Variants in IGSF21 observed in about 807,000 individuals in gnomAD.
The protein encoded by IGSF21 is immunoglobin superfamily member 21, also known as immunoglobulin superfamily member 21.
In IGSF21, 28 loss-of-function variants were observed where a neutral mutation model predicts 46.8. The ratio of observed to expected loss-of-function variants is 0.60; its 90% confidence interval spans 0.44 to 0.82. IGSF21 has a LOEUF of 0.82. Among genes scored for constraint, IGSF21 ranks in the 40% least tolerant of loss-of-function variants. The probability of loss-of-function intolerance (pLI) is 0.00; values close to 1 mark genes in which losing one functional copy is unlikely to be tolerated. For synonymous variants in IGSF21, 284 were observed against 273.6 expected, an observed-to-expected ratio of 1.04 and a Z score of -0.38; for missense variants, 624 against 665.5, an observed-to-expected ratio of 0.94 and a Z score of 0.69.
chr1:18,236,219 A>T lies in IGSF21; in HGVS notation c.183+8209A>T, dbSNP rs149722779. Among the ~76,000 whole-genome samples, 165 of 152,284 alleles carry T rather than the reference A, an allele frequency of 1.1e-3. 2 individuals are homozygous for T. The highest frequency in any genetic ancestry group is 3.6e-3 in the African/African-American group (148 of 41,562). ...GAATCATGGGGGCAGCTTCCCCCAT[A>T]CTGTTCTCCTGGTAGTGAATAAGTC... On this transcript the variant is annotated intron_variant, in intron 2 of 9. Transcript: ENST00000251296.
chr1:18,127,164 T>G (rs567078256), intron 1 of IGSF21, among the ~76,000 whole-genome samples: 17 of 152,236 alleles, frequency 1.1e-4, no homozygotes, highest in African/African-American at 3.9e-4. Context: ...CAGTTTCTTA[T>G]CTGCAAAATG....
At chr1:18,221,214 A>G (rs557895513) in intron 1 of IGSF21, among the ~76,000 whole-genome samples, 1 of 152,178 alleles carries the variant, frequency 6.6e-6, no homozygotes, top group Non-Finnish European at 1.5e-5. Flanking sequence ...TGAATTAGCC[A>G]GGGCCATCCA....
At position 18,365,979 on chromosome 1, in the gene IGSF21, G is replaced by A. The variant is rs145954318; in HGVS notation, c.1015+282G>A. ...GCTGGATAGGGTCAGGGACACAGGA[G>A]ATCAGGGGAGGTCAGAGGAGTTCCT... On this transcript the variant is annotated intron_variant, in intron 6 of 9. Coordinates refer to ENST00000251296, the MANE Select transcript of IGSF21 (RefSeq NM_032880.5). This position sits in a 1 kb window ranked among gnomAD's most constrained non-coding sequence, Gnocchi z 4.8. 1.2e-3 allele frequency among the ~76,000 whole-genome samples: 189 copies of A among 152,286 alleles called. No homozygotes were observed. The highest frequency in any genetic ancestry group is 2.7e-3 in the Admixed American group (41 of 15,302).
In IGSF21 at chr1:18,227,985, G is replaced by A. The variant is rs748938162; in HGVS notation, c.158G>A (p.Arg53His). Residue 53 changes from arginine (R) to histidine (H), a missense_variant, in exon 2 of 10, where the codon CGC (arginine) becomes CAC (histidine). Coordinates refer to ENST00000251296, the MANE Select transcript of IGSF21 (RefSeq NM_032880.5). The part of the protein sequence containing the change: ...TLKCNFKTDG[R>H]MREIVWYRVT... Reference sequence around the variant, plus strand: ...AAGTGTAACTTCAAGACAGATGGGCGCATGCGGGAGATCGTGTGGTACCGG... The same window carrying A: ...AAGTGTAACTTCAAGACAGATGGGCACATGCGGGAGATCGTGTGGTACCGG... 22 of 1,613,702 alleles carry A rather than the reference G, an allele frequency of 1.4e-5. No homozygotes were observed. In the East Asian group the frequency reaches 2.9e-4, roughly 21 times the overall value.
At chr1:18,351,762 C>G (rs2085958137) in intron 4 of IGSF21, among the ~76,000 whole-genome samples, 1 of 152,238 alleles carries the variant, frequency 6.6e-6, no homozygotes, top group Admixed American at 6.5e-5. Context: ...CCCAAATTGG[C>G]TAGCTTTGCT....
chr1:18,336,043 T>C (rs2085762830), intron 4 of IGSF21, among the ~76,000 whole-genome samples: 1 of 152,140 alleles, frequency 6.6e-6, no homozygotes, highest in Non-Finnish European at 1.5e-5. Context: ...CAGAACTCAG[T>C]TTGCACCATC....
intron 4 of IGSF21, among the ~76,000 whole-genome samples, chr1:18,345,639 C>G (rs2085884993): frequency 6.6e-6 from 1 of 152,226 alleles, no homozygotes; most frequent in African/African-American, 2.4e-5. Flanking sequence ...CTACTTCGGC[C>G]TCCCAAGTTG....
At chr1:18,165,493 C>T (rs562273458) in intron 1 of IGSF21, among the ~76,000 whole-genome samples, 95 of 152,202 alleles carry the variant, frequency 6.2e-4, no homozygotes, top group Non-Finnish European at 1.1e-3. Context: ...TCTAAAGGCC[C>T]TACATCCAAA....
chr1:18,353,399 A>T (rs2085981142), intron 4 of IGSF21, among the ~76,000 whole-genome samples: 1 of 151,690 alleles, frequency 6.6e-6, no homozygotes, highest in South Asian at 2.1e-4. Flanking sequence ...TCACTCATTC[A>T]CTTGGAAAAT....
At chr1:18,295,445 G>A (rs1013126947) in intron 3 of IGSF21, among the ~76,000 whole-genome samples, 3 of 152,188 alleles carry the variant, frequency 2.0e-5, no homozygotes, top group Non-Finnish European at 4.4e-5. Flanking sequence ...AAATGTAGAT[G>A]AATACATCAT....
intron 1 of IGSF21, among the ~76,000 whole-genome samples, chr1:18,108,967 G>T (rs1245040958): frequency 8.4e-6 from 1 of 118,380 alleles, no homozygotes; most frequent in Non-Finnish European, 1.8e-5. Flanking sequence ...TCCGGGGCTG[G>T]GGAGTTGTGA....
At chr1:18,232,354 C>T (rs2084636781) in intron 2 of IGSF21, among the ~76,000 whole-genome samples, 4 of 152,034 alleles carry the variant, frequency 2.6e-5, no homozygotes, top group Admixed American at 2.6e-4. Context: ...TTAATCATTC[C>T]TATTTACATC....
intron 3 of IGSF21, among the ~76,000 whole-genome samples, chr1:18,328,182 A>G (rs918170486): frequency 6.6e-6 from 1 of 152,256 alleles, no homozygotes; most frequent in South Asian, 2.1e-4. Flanking sequence ...CAATAAGTCC[A>G]TCGTAAGTTC....
chr1:18,294,072 C>A (rs550606656), intron 3 of IGSF21, among the ~76,000 whole-genome samples: 1 of 152,224 alleles, frequency 6.6e-6, no homozygotes, highest in African/African-American at 2.4e-5. Context: ...ACATGACAGG[C>A]TTTGTACAAT....
intron 3 of IGSF21, among the ~76,000 whole-genome samples, chr1:18,329,646 G>A (rs2085692767): frequency 6.6e-6 from 1 of 152,204 alleles, no homozygotes; most frequent in African/African-American, 2.4e-5. Flanking sequence ...GGGCTGGGCA[G>A]TCAAGGTAGC....
intron 2 of IGSF21, among the ~76,000 whole-genome samples, chr1:18,282,635 T>TAC (rs10522294): frequency 0.2 from 26,846 of 137,464 alleles, 2,400 homozygotes; most frequent in South Asian, 0.3. Flanking sequence ...TCCCCTTACA[T>TAC]ACACACACAC....
At chr1:18,293,323 C>T (rs2085284887) in intron 3 of IGSF21, among the ~76,000 whole-genome samples, 2 of 152,138 alleles carry the variant, frequency 1.3e-5, no homozygotes, top group Admixed American at 1.3e-4. Flanking sequence ...AATTAGAAAG[C>T]GGGACAAGAA....
Position 18,362,195 on chromosome 1 carries a change from G to A in IGSF21, c.505G>A (p.Val169Ile), listed in dbSNP as rs780446654. ...SRYQAQNFTL[V>I]CIVSGGKPAP... Reference sequence around the variant, plus strand: ...CTACCAAGCCCAGAACTTCACGCTGGTCTGCATCGTGTCTGGAGGAAAACC... The same window carrying A: ...CTACCAAGCCCAGAACTTCACGCTGATCTGCATCGTGTCTGGAGGAAAACC... The change falls in exon 5 of 10, where the codon GTC (valine) becomes ATC (isoleucine). Residue 169 changes from valine to isoleucine, a missense_variant. Transcript: ENST00000251296. 24 of 1,613,114 alleles carry A rather than the reference G, an allele frequency of 1.5e-5. No homozygotes were observed. The highest frequency in any genetic ancestry group is 2.0e-5 in the Non-Finnish European group (24 of 1,179,652).
At chr1:18,213,884 C>T (rs1328531939) in intron 1 of IGSF21, among the ~76,000 whole-genome samples, 4 of 152,152 alleles carry the variant, frequency 2.6e-5, no homozygotes, top group African/African-American at 7.2e-5. Context: ...CATCACCTTC[C>T]CTGCCCAACA....
Sources: allele counts gnomAD v4.1 joint callset (sites outside exome capture counted in the v4.1 genomes callset), GRCh38; gene constraint gnomAD v4.1.1; non-coding constraint Gnocchi (gnomAD v3.1); transcripts MANE v1.5; gene names NCBI Gene and HGNC (gene_info 2026-07-23, HGNC 2026-07-21).